Variants in IGF2BP2 observed in about 807,000 individuals in gnomAD.
IGF2BP2 encodes insulin-like growth factor 2 mRNA-binding protein 2.
A neutral mutation model predicts 75.8 loss-of-function variants in IGF2BP2; 17 were observed. That is an observed-to-expected ratio of 0.22 (90% CI 0.15 to 0.34). IGF2BP2 has a LOEUF of 0.34. IGF2BP2 is among the 10% of genes least tolerant of loss of function. The pLI is 1.00. For missense variants in IGF2BP2, 516 were observed against 772.4 expected (o/e 0.67, Z 3.93); for synonymous variants, 288 against 295.6 (o/e 0.97, Z 0.26).
At chr3:185,762,639 T>C (rs191711934) in intron 2 of IGF2BP2, among the ~76,000 whole-genome samples, 155 of 152,228 alleles carry the variant, frequency 1.0e-3, no homozygotes, top group African/African-American at 1.6e-3. Flanking sequence ...GTCAAATCCC[T>C]TGAAGAAGCT....
intron 5 of IGF2BP2, among the ~76,000 whole-genome samples, chr3:185,689,899 C>T (rs1721704205): frequency 6.8e-6 from 1 of 146,604 alleles, no homozygotes. Context: ...ACCCGGGAGG[C>T]GGAGCTTGCA....
At position 185,647,425 on chromosome 3, in the gene IGF2BP2, G is replaced by A. The variant is rs1381852961; in HGVS notation, c.1594-287C>T. ...CTCTTATTCTGGAGTTCCCATCAAC[G>A]CAGGCCTGCACATGCTCACAGAGAC... On this transcript the variant is annotated intron_variant, in intron 14 of 15. Transcript: ENST00000382199. The surrounding 1 kb of genome is among the most constrained non-coding windows in gnomAD (Gnocchi z 4.9). 2.0e-5 allele frequency among the ~76,000 whole-genome samples: 3 copies of A among 151,970 alleles called. No individual in the cohort carries two copies. Among genetic ancestry groups the A allele is most frequent in the Non-Finnish European group, 4.4e-5 (3 of 67,980 alleles).
At chr3:185,730,787 A>G (rs999383628) in intron 2 of IGF2BP2, among the ~76,000 whole-genome samples, 1 of 152,138 alleles carries the variant, frequency 6.6e-6, no homozygotes, top group African/African-American at 2.4e-5. Context: ...TAGTTCTTCA[A>G]GAAATCTCCG....
chr3:185,657,506 G>GC (rs1004519708), intron 11 of IGF2BP2, 104 bp from the exon 12 acceptor site: 5 of 849,214 alleles, frequency 5.9e-6, no homozygotes, highest in African/African-American at 1.7e-5. Flanking sequence ...TGGTGGGAAG[G>GC]CCCCGCCACC....
At chr3:185,665,993 G>C (rs888257740) in intron 10 of IGF2BP2, among the ~76,000 whole-genome samples, 117 of 142,172 alleles carry the variant, frequency 8.2e-4, no homozygotes, top group African/African-American at 3.0e-3. Context: ...TAGATAGGTA[G>C]ATAGGTACAT....
intron 2 of IGF2BP2, among the ~76,000 whole-genome samples, chr3:185,788,710 CTTTTTTTTTTTTTT>C (rs1158869748): frequency 3.0e-5 from 3 of 100,222 alleles, no homozygotes; most frequent in Non-Finnish European, 5.8e-5. Flanking sequence ...TGACAAACGA[CTTTTTTTTTTTTTT>C]TTTTTTTTTT....
At chr3:185,775,076 T>G (rs1380908591) in intron 2 of IGF2BP2, among the ~76,000 whole-genome samples, 1 of 151,976 alleles carries the variant, frequency 6.6e-6, no homozygotes, top group African/African-American at 2.4e-5. Flanking sequence ...AACACTTGTC[T>G]GGATGAACTC....
chr3:185,657,424 G>A, intron 11 of IGF2BP2, 22 bp from the exon 12 acceptor site: 2 of 1,566,664 alleles, frequency 1.3e-6, no homozygotes, highest in East Asian at 2.2e-5. Flanking sequence ...AGACAAGAAA[G>A]AAGACATCAT....
chr3:185,709,589 A>G (rs1366505718), intron 2 of IGF2BP2, among the ~76,000 whole-genome samples: 1 of 152,250 alleles, frequency 6.6e-6, no homozygotes, highest in Non-Finnish European at 1.5e-5. Context: ...TTACTTCTGA[A>G]AAGAAGAAAC....
In IGF2BP2 at chr3:185,747,618, G is replaced by A. The variant is rs527754628; in HGVS notation, c.240-49271C>T. 3.3e-4 allele frequency among the ~76,000 whole-genome samples: 50 copies of A among 152,160 alleles called. 2 individuals are homozygous for A. In the South Asian group the frequency reaches 9.4e-3, roughly 28 times the overall value. ...CACTTGAACCTGGGAGGTGGAGGTT[G>A]CAGTGAGCTAAGATCACACCATTGC... is the stretch of plus-strand genomic sequence containing the variant. On this transcript the variant is annotated intron_variant, in intron 2 of 15. Transcript: ENST00000382199.
chr3:185,742,976 G>A (rs1729770269), intron 2 of IGF2BP2, among the ~76,000 whole-genome samples: 1 of 152,000 alleles, frequency 6.6e-6, no homozygotes, highest in Admixed American at 6.5e-5. Context: ...GTGTGCACCT[G>A]TAGTCCCAGC....
At chr3:185,727,875 A>G (rs1727577187) in intron 2 of IGF2BP2, among the ~76,000 whole-genome samples, 1 of 152,296 alleles carries the variant, frequency 6.6e-6, no homozygotes, top group East Asian at 1.9e-4. Flanking sequence ...AAGGCCATGC[A>G]GCTAGTCTAT....
At chr3:185,715,623 C>T (rs910665024) in intron 2 of IGF2BP2, among the ~76,000 whole-genome samples, 5 of 152,086 alleles carry the variant, frequency 3.3e-5, no homozygotes, top group Admixed American at 6.5e-5. Context: ...TCTGATGATA[C>T]GTCATTTCTT....
chr3:185,789,049 G>T (rs1157073910), intron 2 of IGF2BP2, among the ~76,000 whole-genome samples: 1 of 151,976 alleles, frequency 6.6e-6, no homozygotes, highest in Non-Finnish European at 1.5e-5. Flanking sequence ...TCACTATGTT[G>T]CCTAGGCTGG....
At chr3:185,695,274 T>C (rs927502108) in intron 4 of IGF2BP2, among the ~76,000 whole-genome samples, 3 of 152,328 alleles carry the variant, frequency 2.0e-5, no homozygotes, top group Admixed American at 1.3e-4. Flanking sequence ...ACTAGCAGAA[T>C]AGATCATATA....
intron 2 of IGF2BP2, among the ~76,000 whole-genome samples, chr3:185,714,126 G>A (rs1044320724): frequency 4.6e-5 from 7 of 151,436 alleles, no homozygotes; most frequent in Non-Finnish European, 7.4e-5. Context: ...AATCCTTCCC[G>A]TGTAGTCTAT....
intron 7 of IGF2BP2, among the ~76,000 whole-genome samples, chr3:185,686,143 G>C (rs1721095282): frequency 6.6e-6 from 1 of 152,210 alleles, no homozygotes; most frequent in African/African-American, 2.4e-5. Flanking sequence ...CAGCACTTTG[G>C]GAGGACGAGG....
intron 10 of IGF2BP2, among the ~76,000 whole-genome samples, chr3:185,666,620 C>G (rs1717677385): frequency 6.6e-6 from 1 of 151,706 alleles, no homozygotes; most frequent in African/African-American, 2.4e-5. Flanking sequence ...CAGAGCAAGA[C>G]TCCAACTCAA....
At chr3:185,741,426 C>A (rs748501303) in intron 2 of IGF2BP2, among the ~76,000 whole-genome samples, 3 of 152,162 alleles carry the variant, frequency 2.0e-5, no homozygotes, top group African/African-American at 4.8e-5. Flanking sequence ...GCTGACCTTT[C>A]AGATTCATTT....
Sources: gnomAD v4.1 joint callset for allele counts (sites outside exome capture counted in the v4.1 genomes callset) on GRCh38, gnomAD v4.1.1 for gene constraint, Gnocchi (gnomAD v3.1) non-coding constraint, MANE v1.5 for transcripts, NCBI Gene and HGNC (gene_info 2026-07-23, HGNC 2026-07-21) for gene names.